The following NRXN1 variants were observed in gnomAD, a reference collection of about 807,000 sequenced individuals.
The protein encoded by NRXN1 is neurexin-1.
A neutral mutation model predicts 150.9 loss-of-function variants in NRXN1; 39 were observed. That is an observed-to-expected ratio of 0.26 (90% confidence interval 0.20 to 0.34). NRXN1 has a LOEUF of 0.34. Among genes scored for constraint, NRXN1 ranks in the 10% least tolerant of loss-of-function variants. NRXN1 has a pLI of 1.00. For missense variants in NRXN1, 1,815 were observed against 1,949.9 expected, an observed-to-expected ratio of 0.93 and a Z score of 1.30; for synonymous variants, 924 against 757.0, an observed-to-expected ratio of 1.22 and a Z score of -3.62.
rs1421322534 is a variant in NRXN1 at position 50,526,388 on chromosome 2, TTAA to T, written c.2374+2234_2374+2236del. ...AGATAATGGTGTTATCGGCTGTGATTTAATAAACGTACATTAATTTTCTCAGTC... is the reference window on the plus strand; with the variant it reads ...AGATAATGGTGTTATCGGCTGTGATTTAAACGTACATTAATTTTCTCAGTC... On this transcript the variant is annotated intron_variant, in intron 12 of 22. Coordinates refer to ENST00000401669, the MANE Select transcript of NRXN1 (RefSeq NM_001330078.2). 2.6e-5 allele frequency among the ~76,000 whole-genome samples: 4 copies of T among 152,326 alleles called. No individual in the cohort carries two copies. In the East Asian group the frequency reaches 7.7e-4, roughly 29 times the overall value.
intron 5 of NRXN1, among the ~76,000 whole-genome samples, chr2:50,777,601 G>C (rs1171064939): frequency 1.3e-5 from 2 of 152,120 alleles, no homozygotes; most frequent in Non-Finnish European, 2.9e-5. Context: ...CATCCAATGT[G>C]TCTGTGCTGG....
At chr2:50,054,892 G>T in intron 20 of NRXN1, 63 bp downstream of exon 20, 2 of 1,034,670 alleles carry the variant, frequency 1.9e-6, no homozygotes, top group South Asian at 1.7e-5. Context: ...GTGTTACAAT[G>T]AAGTACTACT....
intron 12 of NRXN1, among the ~76,000 whole-genome samples, chr2:50,524,171 T>C (rs2092877461): frequency 6.6e-6 from 1 of 152,002 alleles, no homozygotes; most frequent in South Asian, 2.1e-4. Context: ...AAATCTATTT[T>C]TATATGGATG....
chr2:50,697,738 T>C (rs1406217872), intron 5 of NRXN1, among the ~76,000 whole-genome samples: 1 of 152,216 alleles, frequency 6.6e-6, no homozygotes, highest in East Asian at 1.9e-4. Flanking sequence ...AATCCTGGGT[T>C]GCCATGGTCT....
chr2:50,190,763 C>T (rs1456419608), intron 18 of NRXN1, among the ~76,000 whole-genome samples: 3 of 151,770 alleles, frequency 2.0e-5, no homozygotes, highest in Non-Finnish European at 4.4e-5. Context: ...CAGGCATGCG[C>T]CACCATGGCC....
intron 19 of NRXN1, among the ~76,000 whole-genome samples, chr2:50,061,584 C>T (rs1000205133): frequency 1.1e-4 from 16 of 152,160 alleles, no homozygotes; most frequent in African/African-American, 3.4e-4. Context: ...TCTATACATT[C>T]CGGGCTATAA....
At chr2:50,351,392 C>A (rs2078401216) in intron 17 of NRXN1, among the ~76,000 whole-genome samples, 1 of 152,284 alleles carries the variant, frequency 6.6e-6, no homozygotes, top group Non-Finnish European at 1.5e-5. Context: ...GTGCTACTAT[C>A]ATCTCTAATT....
intron 10 of NRXN1, among the ~76,000 whole-genome samples, chr2:50,537,644 C>G (rs566691021): frequency 6.6e-6 from 1 of 152,310 alleles, no homozygotes; most frequent in South Asian, 2.1e-4. Flanking sequence ...AATGAATCCT[C>G]TGCAGTTGGT....
chr2:50,536,127 TG>T (rs1440155992), intron 10 of NRXN1, among the ~76,000 whole-genome samples: 1 of 152,178 alleles, frequency 6.6e-6, no homozygotes, highest in African/African-American at 2.4e-5. Context: ...AGCCACGAAC[TG>T]GGCAGAAGCC....
At chr2:50,024,225 A>T (rs6712970) in intron 21 of NRXN1, 110,700 of 152,138 alleles carry the variant, frequency 0.73, 40,551 homozygotes, top group African/African-American at 0.79. Flanking sequence ...TGCCTGATAG[A>T]CCACGGTGGA....
chr2:49,988,003 A>C (rs1681225161), intron 21 of NRXN1, among the ~76,000 whole-genome samples: 1 of 152,164 alleles, frequency 6.6e-6, no homozygotes, highest in Non-Finnish European at 1.5e-5. Context: ...GTGGAACAAA[A>C]AAAGTAACAA....
chr2:50,052,929 A>T (rs1692953313), intron 21 of NRXN1, among the ~76,000 whole-genome samples: 1 of 152,180 alleles, frequency 6.6e-6, no homozygotes, highest in Admixed American at 6.5e-5. Flanking sequence ...AGGTTTTCAA[A>T]TATTTCATTA....
chr2:49,944,835 AT>A (rs1474722075), intron 21 of NRXN1, among the ~76,000 whole-genome samples: 1 of 151,406 alleles, frequency 6.6e-6, no homozygotes, highest in African/African-American at 2.5e-5. Context: ...TACAGTTCTC[AT>A]TTAAAAGTGG....
Position 51,028,239 on chromosome 2 carries a change from A to T in NRXN1, c.35T>A (p.Phe12Tyr). The change falls in exon 2 of 23, where the codon TTT (phenylalanine) becomes TAT (tyrosine). Residue 12 changes from phenylalanine (F) to tyrosine (Y), a missense_variant. This residue lies in a region of NRXN1 where 554 missense variants were observed against 478.8 expected (regional missense o/e 1.16). Coordinates refer to ENST00000401669, the MANE Select transcript of NRXN1 (RefSeq NM_001330078.2). Reference sequence around the variant, plus strand: ...GAGCAGCAGCGAGAGGCACAGAAGAAAACAGCCCCCGCGCTGGAGCAGCGC... The same window carrying T: ...GAGCAGCAGCGAGAGGCACAGAAGATAACAGCCCCCGCGCTGGAGCAGCGC... ...GTALLQRGGC[F>Y]LLCLSLLLLG... is the part of the protein sequence containing the mutation. The T allele has an allele frequency of 6.8e-7, 1 of 1,469,934 alleles. No homozygotes were observed. The highest frequency in any genetic ancestry group is 1.4e-5 in the South Asian group (1 of 70,214). The allele number at this position is 1,469,934 out of a possible 1,614,324, so 91.1% of individuals were successfully genotyped here.
At chr2:50,438,111 C>A (rs1265715699) in intron 17 of NRXN1, among the ~76,000 whole-genome samples, 1 of 152,188 alleles carries the variant, frequency 6.6e-6, no homozygotes. Context: ...AACCTGACTT[C>A]TAGTAGAATC....
At chr2:50,958,344 G>A (rs955432082) in intron 2 of NRXN1, among the ~76,000 whole-genome samples, 2 of 152,056 alleles carry the variant, frequency 1.3e-5, no homozygotes, top group Admixed American at 6.6e-5. Context: ...ACTGGCTTTT[G>A]TAAAATAGGA....
intron 18 of NRXN1, among the ~76,000 whole-genome samples, chr2:50,163,993 T>C (rs2059526494): frequency 6.6e-6 from 1 of 152,204 alleles, no homozygotes; most frequent in South Asian, 2.1e-4. Flanking sequence ...CCTATGGTTT[T>C]CCCTTCCCTT....
At chr2:50,491,338 G>T (rs1041310173) in intron 15 of NRXN1, among the ~76,000 whole-genome samples, 2 of 152,182 alleles carry the variant, frequency 1.3e-5, no homozygotes, top group East Asian at 3.9e-4. Context: ...AGATCAAGAA[G>T]AAAAGAGCAA....
intron 8 of NRXN1, among the ~76,000 whole-genome samples, chr2:50,553,238 G>A (rs1055552087): frequency 1.3e-5 from 2 of 152,182 alleles, no homozygotes; most frequent in African/African-American, 2.4e-5. Flanking sequence ...CAAATAATGT[G>A]TGTGCAGATG....
Sources: allele counts gnomAD v4.1 joint callset (sites outside exome capture counted in the v4.1 genomes callset), GRCh38; gene constraint gnomAD v4.1.1; regional missense constraint gnomAD v4.1.1; transcripts MANE v1.5; gene names NCBI Gene and HGNC (gene_info 2026-07-23, HGNC 2026-07-21).